ATF2: variants seen among roughly 807,000 people sequenced by gnomAD.
The protein encoded by ATF2 is cyclic AMP-dependent transcription factor ATF-2.
ATF2 carries 24 observed loss-of-function variants against 60.6 expected under a neutral mutation model. The observed-to-expected ratio is 0.40, with a 90% CI of 0.29 to 0.56. The LOEUF is 0.56. Ranked by LOEUF, ATF2 falls within the 20% of genes least tolerant of loss-of-function variation. The pLI is 0.54. For synonymous variants in ATF2, 206 were observed against 215.4 expected (o/e 0.96, Z 0.38); for missense variants, 433 against 607.7 (o/e 0.71, Z 3.02).
intron 1 of ATF2, among the ~76,000 whole-genome samples, chr2:175,162,717 A>G (rs1470378537): frequency 6.6e-6 from 1 of 152,260 alleles, no homozygotes; most frequent in African/African-American, 2.4e-5. Context: ...CTTATTTGAT[A>G]TAATTCTGTA....
chr2:175,114,936 T>G, intron 7 of ATF2, 68 bp from the exon 8 acceptor site: 1 of 1,458,096 alleles, frequency 6.9e-7, no homozygotes, highest in South Asian at 1.4e-5. Flanking sequence ...GTGAACAGAA[T>G]GTAACACACT....
intron 1 of ATF2, chr2:175,167,699 C>A (rs560436507): frequency 9.8e-5 from 49 of 500,698 alleles, no homozygotes; most frequent in Non-Finnish European, 1.7e-4. Context: ...GACCTCTGAA[C>A]TGACCCAAGT....
chr2:175,135,006 TAA>T (rs60122560), intron 3 of ATF2, among the ~76,000 whole-genome samples: 862 of 85,698 alleles, frequency 0.01, 16 homozygotes, highest in African/African-American at 0.035. Context: ...CCCATCTCTT[TAA>T]AAAAAAAAAA....
chr2:175,127,359 TCTTAA>T (rs1399078088), intron 4 of ATF2: 3 of 154,744 alleles, frequency 1.9e-5, no homozygotes, highest in African/African-American at 7.2e-5. Context: ...TTTTTAGCTC[TCTTAA>T]CTTTACAGAA....
chr2:175,073,620 A>G lies in ATF2; in HGVS notation c.*989T>C, dbSNP rs1048854192. The G allele has an allele frequency of 1.3e-5, 2 of 152,126 alleles. No homozygotes were observed. The highest frequency in any genetic ancestry group is 2.9e-5 in the Non-Finnish European group (2 of 68,006). 9.4% of individuals were successfully genotyped at this position (152,126 alleles called of 1,614,324 possible). On this transcript the variant is annotated 3_prime_UTR_variant, in exon 14 of 14. Coordinates refer to ENST00000264110, the MANE Select transcript of ATF2 (RefSeq NM_001880.4). ...TACTAAAAGATGACAGTGCTTTCAC[A>G]AGAATAGTACAAGTTAGCTCGCAAG...
intron 12 of ATF2, among the ~76,000 whole-genome samples, chr2:175,081,925 C>T (rs902392938): frequency 1.3e-5 from 2 of 152,074 alleles, no homozygotes; most frequent in African/African-American, 2.4e-5. Context: ...GTGGAGGGTA[C>T]TTCTAATCCC....
intron 12 of ATF2, 140 bp downstream of exon 12, chr2:175,092,921 A>G: frequency 1.1e-6 from 1 of 879,834 alleles, no homozygotes; most frequent in East Asian, 2.6e-5. Context: ...ACAGGTTTAC[A>G]AAACTATGAT....
At chr2:175,114,611 A>G (rs1696423544) in intron 8 of ATF2, 79 bp downstream of exon 8, 1 of 1,539,318 alleles carries the variant, frequency 6.5e-7, no homozygotes, top group African/African-American at 1.4e-5. Flanking sequence ...TAGTTTGAAT[A>G]ATCAAATGTC....
chr2:175,157,719 G>C (rs1574504813), intron 1 of ATF2, among the ~76,000 whole-genome samples: 2 of 152,192 alleles, frequency 1.3e-5, no homozygotes, highest in East Asian at 3.8e-4. Flanking sequence ...CATGGGCTGG[G>C]CACAGTGGCT....
intron 7 of ATF2, among the ~76,000 whole-genome samples, chr2:175,116,840 C>T (rs957011063): frequency 1.3e-5 from 2 of 151,652 alleles, no homozygotes; most frequent in African/African-American, 4.8e-5. Flanking sequence ...AAAAGCATTT[C>T]CAATAACTGT....
chr2:175,152,610 A>G (rs1217052691), intron 1 of ATF2, among the ~76,000 whole-genome samples: 1 of 152,214 alleles, frequency 6.6e-6, no homozygotes, highest in Non-Finnish European at 1.5e-5. Flanking sequence ...ATTGTGCAGA[A>G]TGTTGGAAAG....
chr2:175,098,882 A>G (rs892363677), intron 10 of ATF2, among the ~76,000 whole-genome samples: 2 of 152,210 alleles, frequency 1.3e-5, no homozygotes, highest in Non-Finnish European at 2.9e-5. Context: ...CAGATCCCAT[A>G]AAAACTGAAG....
chr2:175,121,273 T>C (rs1696938613), intron 5 of ATF2, among the ~76,000 whole-genome samples, 171 bp downstream of exon 5: 1 of 151,748 alleles, frequency 6.6e-6, no homozygotes, highest in Admixed American at 6.6e-5. Context: ...ATGAAATGAA[T>C]AGTCAGAAGG....
chr2:175,103,208 C>T (rs1695421414), intron 10 of ATF2, among the ~76,000 whole-genome samples: 1 of 152,142 alleles, frequency 6.6e-6, no homozygotes, highest in Non-Finnish European at 1.5e-5. Context: ...AAGTCAGATC[C>T]ATATTTCATA....
At chr2:175,092,780 T>C (rs1694646063) in intron 12 of ATF2, among the ~76,000 whole-genome samples, 1 of 152,210 alleles carries the variant, frequency 6.6e-6, no homozygotes, top group Non-Finnish European at 1.5e-5. Context: ...TTCTCTGCAC[T>C]TTATATCACA....
chr2:175,167,679 G>C, intron 1 of ATF2: 1 of 505,298 alleles, frequency 2.0e-6, no homozygotes, highest in Non-Finnish European at 4.1e-6. Context: ...GACTCGACGC[G>C]CGCCCCGAGG....
At chr2:175,134,692 T>C (rs927004019) in intron 3 of ATF2, among the ~76,000 whole-genome samples, 51 of 152,106 alleles carry the variant, frequency 3.4e-4, no homozygotes, top group African/African-American at 1.2e-3. Flanking sequence ...AATTAGAAAA[T>C]TGCCACTTTA....
chr2:175,098,375 A>G (rs1422574857), intron 10 of ATF2, among the ~76,000 whole-genome samples: 1 of 152,224 alleles, frequency 6.6e-6, no homozygotes, highest in East Asian at 1.9e-4. Flanking sequence ...ACCTGAGACT[A>G]TTATTGCTGA....
chr2:175,118,781 C>G (rs1271181467), intron 5 of ATF2, among the ~76,000 whole-genome samples: 1 of 151,464 alleles, frequency 6.6e-6, no homozygotes, highest in Admixed American at 6.6e-5. Flanking sequence ...TCTGCTTTAA[C>G]TTGGTTCTTC....
Sources: gnomAD v4.1 joint callset for allele counts (sites outside exome capture counted in the v4.1 genomes callset) on GRCh38, gnomAD v4.1.1 for gene constraint, MANE v1.5 for transcripts, NCBI Gene and HGNC (gene_info 2026-07-23, HGNC 2026-07-21) for gene names.